The following ACOT1 variants were observed in gnomAD, a reference collection of about 807,000 sequenced individuals.
ACOT1 encodes the protein acyl-CoA thioesterase 1.
ACOT1 carries 8 observed loss-of-function variants against 15.7 expected under a neutral mutation model. The ratio of observed to expected loss-of-function variants is 0.51; its 90% confidence interval spans 0.30 to 0.92. ACOT1 has a LOEUF of 0.92. Ranked by LOEUF, ACOT1 falls within the 40% of genes least tolerant of loss-of-function variation. The pLI is 0.06. For synonymous variants in ACOT1, 67 were observed against 241.2 expected (o/e 0.28, Z 6.69); for missense variants, 151 against 539.4 (o/e 0.28, Z 7.13).
chr14:73,500,595 C>T, the ACOT1 span: 1 of 1,613,960 alleles, frequency 6.2e-7, no homozygotes, highest in South Asian at 1.1e-5. Context: ...AACAGGCTGC[C>T]CGCCGAACTG....
At chr14:73,524,310 A>AATATATATAT in the ACOT1 span, among the ~76,000 whole-genome samples, 87 of 54,754 alleles carry the variant, frequency 1.6e-3, no homozygotes, top group Middle Eastern at 0.013. Context: ...AAAAAAAAAA[A>AATATATATAT]ATATATATAT....
the ACOT1 span, chr14:73,522,517 C>T: frequency 6.2e-7 from 1 of 1,614,114 alleles, no homozygotes; most frequent in African/African-American, 1.3e-5. Context: ...GGGCTGTGCG[C>T]TCGTTCAGCT....
At chr14:73,527,942 CA>C in the ACOT1 span, among the ~76,000 whole-genome samples, 2 of 96,150 alleles carry the variant, frequency 2.1e-5, no homozygotes, top group East Asian at 6.4e-4. Flanking sequence ...GCCTGGGTAA[CA>C]GGGGCAAAAC....
At chr14:73,528,649 A>G in the ACOT1 span, among the ~76,000 whole-genome samples, 880 of 152,282 alleles carry the variant, frequency 5.8e-3, 59 homozygotes, top group South Asian at 0.12. Flanking sequence ...TAGTTTCCCA[A>G]TCTGAAAATT....
At chr14:73,526,473 G>C in the ACOT1 span, among the ~76,000 whole-genome samples, 3 of 152,206 alleles carry the variant, frequency 2.0e-5, no homozygotes, top group African/African-American at 4.8e-5. Flanking sequence ...GAACAAGGGA[G>C]TGCCTGCATC....
At chr14:73,523,400 C>T in the ACOT1 span, among the ~76,000 whole-genome samples, 1 of 152,198 alleles carries the variant, frequency 6.6e-6, no homozygotes, top group Non-Finnish European at 1.5e-5. Flanking sequence ...TTTCATGTAT[C>T]AGACCCGTGT....
At chr14:73,498,465 T>C in the ACOT1 span, 1 of 844,074 alleles carries the variant, frequency 1.2e-6, no homozygotes, top group Non-Finnish European at 1.8e-6. Context: ...CCATTAGAAT[T>C]TTAGGGATAG....
At chr14:73,493,178 GT>G in the ACOT1 span, 1 of 1,470,554 alleles carries the variant, frequency 6.8e-7, no homozygotes, top group South Asian at 1.1e-5. Flanking sequence ...CCCTTGATCC[GT>G]GATCATTTCA....
chr14:73,492,892 G>A, the ACOT1 span: 5 of 1,613,630 alleles, frequency 3.1e-6, no homozygotes, highest in Admixed American at 8.3e-5. This position sits in a 1 kb window ranked among gnomAD's most constrained non-coding sequence, Gnocchi z 4.9. Flanking sequence ...TGGCAACCAC[G>A]TTGTATGATA....
chr14:73,496,711 C>G, the ACOT1 span: 1 of 1,174,846 alleles, frequency 8.5e-7, no homozygotes, highest in African/African-American at 1.5e-5. Context: ...TTAGATTATT[C>G]TACCCTGCCC....
the ACOT1 span, among the ~76,000 whole-genome samples, chr14:73,503,198 T>G: frequency 2.0e-5 from 3 of 152,158 alleles, no homozygotes; most frequent in African/African-American, 7.2e-5. Context: ...CATTTACAGA[T>G]GATAGAATGG....
chr14:73,496,409 C>G, the ACOT1 span, among the ~76,000 whole-genome samples: 1 of 152,148 alleles, frequency 6.6e-6, no homozygotes, highest in African/African-American at 2.4e-5. Context: ...TTTGTCTTTA[C>G]TAGTAGGACC....
At chr14:73,518,410 A>C in the ACOT1 span, among the ~76,000 whole-genome samples, 2 of 152,048 alleles carry the variant, frequency 1.3e-5, no homozygotes, top group Non-Finnish European at 2.9e-5. Flanking sequence ...TCTCCAAAAA[A>C]AGAAAAAAAA....
the ACOT1 span, among the ~76,000 whole-genome samples, chr14:73,510,114 G>C: frequency 6.6e-6 from 1 of 151,576 alleles, no homozygotes; most frequent in South Asian, 2.1e-4. Flanking sequence ...ACCTGCCTCA[G>C]CCTCCCAAAG....
the ACOT1 span, chr14:73,518,983 C>T: frequency 5.7e-6 from 9 of 1,577,362 alleles, no homozygotes; most frequent in African/African-American, 2.7e-5. Flanking sequence ...GCCACATTCC[C>T]GTTATTAACC....
chr14:73,498,348 C>T, the ACOT1 span: 4 of 1,588,644 alleles, frequency 2.5e-6, no homozygotes, highest in Non-Finnish European at 3.4e-6. Flanking sequence ...CCCAAAGCTG[C>T]AGAGATTAGA....
the ACOT1 span, chr14:73,493,113 G>A: frequency 6.2e-7 from 1 of 1,610,808 alleles, no homozygotes; most frequent in Non-Finnish European, 8.5e-7. Context: ...CTTCTAGGAA[G>A]AACCATCTCA....
upstream of ACOT1, among the ~76,000 whole-genome samples, chr14:73,534,379 G>GAA (rs1243402800): frequency 2.2e-5 from 2 of 91,906 alleles, 1 homozygote; most frequent in African/African-American, 7.0e-5. Context: ...ACTCTGTCTT[G>GAA]AAAAAAAAAA....
chr14:73,506,809 T>TTTTTTTTTTGTTTTTTG, the ACOT1 span, among the ~76,000 whole-genome samples: 1 of 112,530 alleles, frequency 8.9e-6, no homozygotes, highest in African/African-American at 4.6e-5. Flanking sequence ...TAACTGTTTT[T>TTTTTTTTTTGTTTTTTG]TTTTTTTTTT....
Sources: allele counts gnomAD v4.1 joint callset (sites outside exome capture counted in the v4.1 genomes callset), GRCh38; gene constraint gnomAD v4.1.1; non-coding constraint Gnocchi (gnomAD v3.1); transcripts MANE v1.5; gene names NCBI Gene and HGNC (gene_info 2026-07-23, HGNC 2026-07-21).